CDS1: variants seen among roughly 807,000 people sequenced by gnomAD.
CDS1 encodes the protein phosphatidate cytidylyltransferase 1.
CDS1 carries 41 observed loss-of-function variants against 62.1 expected under a neutral mutation model. The observed-to-expected ratio is 0.66, with a 90% CI of 0.51 to 0.86. The LOEUF is 0.86. CDS1 is among the 40% of genes least tolerant of loss of function. The pLI is 0.00. For synonymous variants in CDS1, 185 were observed against 192.6 expected, an observed-to-expected ratio of 0.96 and a Z score of 0.32; for missense variants, 470 against 550.1, an observed-to-expected ratio of 0.85 and a Z score of 1.46.
chr4:84,603,390 A>G (rs1281046084), intron 1 of CDS1, among the ~76,000 whole-genome samples: 1 of 152,094 alleles, frequency 6.6e-6, no homozygotes, highest in Non-Finnish European at 1.5e-5. Context: ...TGTGTTCACC[A>G]CTCATAACTG....
intron 5 of CDS1, among the ~76,000 whole-genome samples, chr4:84,620,144 T>G (rs932389543): frequency 4.6e-5 from 7 of 151,710 alleles, no homozygotes; most frequent in Middle Eastern, 3.2e-3. Context: ...ATGAAAAAAC[T>G]TTCACATATA....
chr4:84,597,080 C>G (rs1331242815), intron 1 of CDS1, among the ~76,000 whole-genome samples: 2 of 152,132 alleles, frequency 1.3e-5, no homozygotes, highest in East Asian at 3.9e-4. Context: ...TATGTTGAGA[C>G]ACATTTGGTT....
At chr4:84,609,344 A>G in intron 2 of CDS1, 85 bp from the exon 3 acceptor site, 1 of 835,396 alleles carries the variant, frequency 1.2e-6, no homozygotes. Flanking sequence ...GTTAAGGAAA[A>G]TTCATAAATC....
intron 3 of CDS1, among the ~76,000 whole-genome samples, chr4:84,613,141 T>C (rs1723379670): frequency 1.3e-5 from 2 of 152,098 alleles, no homozygotes; most frequent in Non-Finnish European, 1.5e-5. Context: ...ATATGGATGA[T>C]TCACACATAT....
At chr4:84,597,309 A>C (rs1400340401) in intron 1 of CDS1, among the ~76,000 whole-genome samples, 1 of 152,202 alleles carries the variant, frequency 6.6e-6, no homozygotes, top group Non-Finnish European at 1.5e-5. Context: ...ATAGGACCAC[A>C]GAGCTGATGA....
At position 84,583,176 on chromosome 4, in the gene CDS1, G is replaced by C. The variant is rs1345804725; in HGVS notation, c.-226G>C. Reference sequence around the variant, plus strand: ...CCGGAGCCTGCCCGGGACCTCCGCCGGAGCCGCGCTCGCTGCAGGCGGCCT... The same window carrying C: ...CCGGAGCCTGCCCGGGACCTCCGCCCGAGCCGCGCTCGCTGCAGGCGGCCT... On this transcript the variant is annotated 5_prime_UTR_variant, in exon 1 of 13. Transcript: ENST00000295887. 15 of 442,256 alleles carry C rather than the reference G, an allele frequency of 3.4e-5. No homozygotes were observed. The East Asian group carries it at 5.8e-4, about 17-fold the overall frequency. The allele number at this position is 442,256 out of a possible 1,614,324, so 27.4% of individuals were successfully genotyped here.
In CDS1 at chr4:84,617,603, A is replaced by G; in HGVS notation, c.382A>G (p.Thr128Ala). ...IQVKCFHEII[T>A]IGYRVYHSYD... ...AGTGAAATGCTTCCATGAAATTATC[A>G]CTATAGGTTATAGAGTCTATCATTC... The change falls in exon 4 of 13, where the codon ACT becomes GCT. Residue 128 changes from threonine (T) to alanine (A), a missense_variant. Physicochemically the swap from Thr to Ala is moderately conservative, Grantham distance 58. Coordinates refer to ENST00000295887, the MANE Select transcript of CDS1 (RefSeq NM_001263.4). The G allele has an allele frequency of 6.3e-7, 1 of 1,598,700 alleles. No individual in the cohort carries two copies. The highest frequency in any genetic ancestry group is 8.6e-7 in the Non-Finnish European group (1 of 1,168,718).
At chr4:84,625,759 G>A (rs1004055029) in intron 5 of CDS1, among the ~76,000 whole-genome samples, 4 of 151,754 alleles carry the variant, frequency 2.6e-5, no homozygotes, top group African/African-American at 9.7e-5. Context: ...ATTAAATGAA[G>A]TAGGTTGGGA....
intron 5 of CDS1, among the ~76,000 whole-genome samples, chr4:84,627,964 T>C (rs972571322): frequency 5.3e-5 from 8 of 152,192 alleles, no homozygotes; most frequent in African/African-American, 1.9e-4. Flanking sequence ...TAGAAAACTT[T>C]TTAAAATGTT....
At chr4:84,586,216 T>C (rs1350020135) in intron 1 of CDS1, among the ~76,000 whole-genome samples, 1 of 152,152 alleles carries the variant, frequency 6.6e-6, no homozygotes, top group African/African-American at 2.4e-5. Flanking sequence ...GAAGACACTT[T>C]TTTCCACGGA....
chr4:84,623,844 T>C (rs2148651073), intron 5 of CDS1, among the ~76,000 whole-genome samples: 1 of 152,186 alleles, frequency 6.6e-6, no homozygotes, highest in East Asian at 1.9e-4. Flanking sequence ...GATGGCTCCT[T>C]TTCATGACTG....
chr4:84,599,407 T>C (rs1402228033), intron 1 of CDS1, among the ~76,000 whole-genome samples: 692 of 7,248 alleles, frequency 0.095, 3 homozygotes, highest in African/African-American at 0.3. Flanking sequence ...CACACACACA[T>C]ATATATATAT....
chr4:84,632,908 G>C (rs1452379450), intron 6 of CDS1, among the ~76,000 whole-genome samples: 1 of 152,206 alleles, frequency 6.6e-6, no homozygotes, highest in Non-Finnish European at 1.5e-5. Context: ...CGGATACCTT[G>C]AGCCCAGGAG....
chr4:84,633,129 T>A (rs367683929), intron 6 of CDS1, among the ~76,000 whole-genome samples: 4 of 152,102 alleles, frequency 2.6e-5, no homozygotes, highest in Non-Finnish European at 5.9e-5. Flanking sequence ...ATCTCAAGGG[T>A]GGGGGTCCAG....
chr4:84,648,968 CTG>C lies in CDS1; in HGVS notation c.*283_*284del. On this transcript the variant is annotated 3_prime_UTR_variant, in exon 13 of 13. Transcript: ENST00000295887. ...TTGCTAGGTTTCATAATTTAAAAGA[CTG>C]GTATTTAAAAGAGTCAAACACTATA... 2 of 249,860 alleles carry C rather than the reference CTG, an allele frequency of 8.0e-6. No homozygotes were observed. The highest frequency in any genetic ancestry group is 2.3e-4 in the South Asian group (2 of 8,690). The allele number at this position is 249,860 out of a possible 1,614,324, so 15.5% of individuals were successfully genotyped here.
intron 5 of CDS1, among the ~76,000 whole-genome samples, chr4:84,620,836 G>A (rs1401803534): frequency 6.6e-6 from 1 of 152,068 alleles, no homozygotes; most frequent in Non-Finnish European, 1.5e-5. Flanking sequence ...CAAGGTGCAC[G>A]GATCACCTGA....
In CDS1 at chr4:84,621,030, A is replaced by C. The variant is rs567903771; in HGVS notation, c.580+1497A>C. Among the ~76,000 whole-genome samples the C allele has an allele frequency of 4.6e-5, 7 of 152,358 alleles. No homozygotes were observed. The East Asian group carries it at 1.3e-3, about 29-fold the overall frequency. Reference sequence around the variant, plus strand: ...AGCCGAGATCACACCATTGCACTCCAGCCTGGGCAACAAGAGGGAACCTCC... The same window carrying C: ...AGCCGAGATCACACCATTGCACTCCCGCCTGGGCAACAAGAGGGAACCTCC... On this transcript the variant is annotated intron_variant, in intron 5 of 12. Transcript: ENST00000295887.
At chr4:84,626,642 A>G (rs1723870265) in intron 5 of CDS1, among the ~76,000 whole-genome samples, 1 of 152,210 alleles carries the variant, frequency 6.6e-6, no homozygotes, top group African/African-American at 2.4e-5. Context: ...ACTCAGTTAA[A>G]TGATGTAACT....
chr4:84,648,526 C>G, intron 12 of CDS1, 31 bp from the exon 13 acceptor site: 1 of 1,605,096 alleles, frequency 6.2e-7, no homozygotes, highest in Non-Finnish European at 8.5e-7. Context: ...TAAAATAACA[C>G]GAACTTGTCT....
Sources: gnomAD v4.1 joint callset for allele counts (sites outside exome capture counted in the v4.1 genomes callset) on GRCh38, gnomAD v4.1.1 for gene constraint, MANE v1.5 for transcripts, NCBI Gene and HGNC (gene_info 2026-07-23, HGNC 2026-07-21) for gene names.